CFAP61: variants seen among roughly 807,000 people sequenced by gnomAD.
CFAP61 encodes cilia and flagella associated protein 61, also known as cilia- and flagella-associated protein 61.
In CFAP61, 107 loss-of-function variants were observed where a neutral mutation model predicts 135.6. The observed-to-expected ratio is 0.79, with a 90% CI of 0.67 to 0.93. CFAP61 has a LOEUF of 0.93. CFAP61 is among the 40% of genes least tolerant of loss of function. The pLI is 0.00. For synonymous variants in CFAP61, 575 were observed against 578.5 expected, an observed-to-expected ratio of 0.99 and a Z score of 0.09; for missense variants, 1,507 against 1,556.2, an observed-to-expected ratio of 0.97 and a Z score of 0.53.
chr20:20,360,496 C>A lies in CFAP61; in HGVS notation c.*86C>A. 1 of 1,276,098 alleles carries A rather than the reference C, an allele frequency of 7.8e-7. No individual in the cohort carries two copies. The highest frequency in any genetic ancestry group is 1.1e-6 in the Non-Finnish European group (1 of 900,294). 79.0% of individuals were successfully genotyped at this position (1,276,098 alleles called of 1,614,324 possible). ...TAGAAATAGAAAAGTTCTCTGCAGCCTGGTTTGACAGCGAAGCCAGCCCCT... is the reference window on the plus strand; with the variant it reads ...TAGAAATAGAAAAGTTCTCTGCAGCATGGTTTGACAGCGAAGCCAGCCCCT... On this transcript the variant is annotated 3_prime_UTR_variant, in exon 27 of 27. Transcript: ENST00000245957.
chr20:20,099,578 CGG>C (rs59967144), intron 8 of CFAP61, among the ~76,000 whole-genome samples: 10 of 150,624 alleles, frequency 6.6e-5, no homozygotes, highest in South Asian at 2.1e-4. Flanking sequence ...ACCTCCCACA[CGG>C]GGGGGGGGTT....
At chr20:20,175,362 C>T (rs2054530743) in intron 13 of CFAP61, among the ~76,000 whole-genome samples, 2 of 152,208 alleles carry the variant, frequency 1.3e-5, no homozygotes, top group Admixed American at 1.3e-4. Context: ...TGAGACTTTG[C>T]TAAAATACAG....
At chr20:20,341,312 G>C (rs2058437016) in intron 25 of CFAP61, among the ~76,000 whole-genome samples, 2 of 152,136 alleles carry the variant, frequency 1.3e-5, no homozygotes, top group South Asian at 4.2e-4. Flanking sequence ...TAGCAAATAT[G>C]AACACCAAAA....
At chr20:20,153,290 G>A (rs1449356243) in intron 9 of CFAP61, among the ~76,000 whole-genome samples, 1 of 152,138 alleles carries the variant, frequency 6.6e-6, no homozygotes, top group East Asian at 1.9e-4. Context: ...CAGATAGACA[G>A]TCTAAGGTCA....
intron 8 of CFAP61, among the ~76,000 whole-genome samples, chr20:20,131,803 C>T (rs761061060): frequency 6.6e-6 from 1 of 151,834 alleles, no homozygotes; most frequent in Admixed American, 6.6e-5. Flanking sequence ...TAGCTGCAAC[C>T]CACAAGTTTT....
At chr20:20,352,258 A>G (rs1344411521) in intron 26 of CFAP61, among the ~76,000 whole-genome samples, 9 of 152,186 alleles carry the variant, frequency 5.9e-5, no homozygotes, top group Non-Finnish European at 1.2e-4. Flanking sequence ...CTCACTCACT[A>G]TCATGAGAAC....
chr20:20,102,402 A>G (rs2048093569), intron 8 of CFAP61, among the ~76,000 whole-genome samples: 2 of 152,180 alleles, frequency 1.3e-5, no homozygotes, highest in African/African-American at 4.8e-5. Flanking sequence ...ATATGTGAGT[A>G]TTGGCTGGTT....
At chr20:20,255,117 C>T (rs964442172) in intron 20 of CFAP61, among the ~76,000 whole-genome samples, 2 of 152,204 alleles carry the variant, frequency 1.3e-5, no homozygotes, top group Admixed American at 6.5e-5. Context: ...TCTCCATTTT[C>T]GAAGATGAAG....
chr20:20,085,547 G>A lies in CFAP61; in HGVS notation c.567-5297G>A, dbSNP rs570786056. The A allele has an allele frequency of 3.2e-5, 44 of 1,365,170 alleles. No individual in the cohort carries two copies. The East Asian group carries it at 1.8e-3, about 55-fold the overall frequency. The allele number at this position is 1,365,170 out of a possible 1,614,324, so 84.6% of individuals were successfully genotyped here. A position where few individuals can be genotyped will look rare whatever the true frequency, so the allele number is the denominator to read the frequency against. On this transcript the variant is annotated intron_variant, in intron 6 of 26. Transcript: ENST00000245957. ...AGAATTCGTGTTGAGGTATGATTATGGATAACTTTGTTAACGGGCTGCTGA... is the reference window on the plus strand; with the variant it reads ...AGAATTCGTGTTGAGGTATGATTATAGATAACTTTGTTAACGGGCTGCTGA...
intron 2 of CFAP61, among the ~76,000 whole-genome samples, chr20:20,062,640 CA>C (rs2044893123): frequency 6.6e-6 from 1 of 151,926 alleles, no homozygotes; most frequent in African/African-American, 2.4e-5. Context: ...GAAAAACTTT[CA>C]AAGTAATGTG....
chr20:20,286,654 G>A (rs1056467568), intron 22 of CFAP61, among the ~76,000 whole-genome samples: 1 of 152,184 alleles, frequency 6.6e-6, no homozygotes. Flanking sequence ...CGTTACAGAA[G>A]CACATAGGTT....
intron 24 of CFAP61, among the ~76,000 whole-genome samples, 160 bp from the exon 25 acceptor site, chr20:20,298,021 C>T (rs749365980): frequency 6.6e-5 from 10 of 152,214 alleles, no homozygotes; most frequent in Non-Finnish European, 1.5e-4. Flanking sequence ...GACACACTGT[C>T]ACCTTCTGCC....
chr20:20,246,272 G>A (rs2050450084), intron 19 of CFAP61, 57 bp downstream of exon 19: 8 of 1,072,248 alleles, frequency 7.5e-6, no homozygotes, highest in Middle Eastern at 2.0e-4. Context: ...TCTGTGTGCA[G>A]TCTATTTAAT....
chr20:20,235,540 T>C (rs1030408818), intron 18 of CFAP61, among the ~76,000 whole-genome samples: 9 of 152,010 alleles, frequency 5.9e-5, no homozygotes, highest in African/African-American at 2.2e-4. Context: ...TCCCCACTTT[T>C]CTCATGGGCA....
Position 20,193,650 on chromosome 20 carries a change from A to G in CFAP61, c.1590+2231A>G, listed in dbSNP as rs140959433. On this transcript the variant is annotated intron_variant, in intron 15 of 26. Transcript: ENST00000245957. ...TATTTTGGAAATGGAGTCTTGCTCT[A>G]TCCCCTAGGCTGGAGTTCAGTGATG... Among the ~76,000 whole-genome samples the G allele has an allele frequency of 4.2e-3, 642 of 152,040 alleles. 10 individuals are homozygous for G. The highest frequency in any genetic ancestry group is 0.015 in the African/African-American group (623 of 41,490).
intron 24 of CFAP61, among the ~76,000 whole-genome samples, chr20:20,294,343 A>G (rs1274004732): frequency 6.6e-6 from 1 of 152,154 alleles, no homozygotes; most frequent in Non-Finnish European, 1.5e-5. Context: ...TGTCTGAGAA[A>G]CCCCTGTTTG....
rs561214271 is a variant in CFAP61 at position 20,186,671 on chromosome 20, T to C, written c.1386-1259T>C. 1.6e-4 allele frequency among the ~76,000 whole-genome samples: 24 copies of C among 152,334 alleles called. No individual in the cohort carries two copies. The East Asian group carries it at 2.3e-3, about 15-fold the overall frequency. On this transcript the variant is annotated intron_variant, in intron 13 of 26. Transcript: ENST00000245957. ...CTCATAAACATTAAGATGGTATTAA[T>C]TGTTCATCTTTTTATTAGTTAATTA...
intron 24 of CFAP61, among the ~76,000 whole-genome samples, chr20:20,292,869 C>T (rs1400511380): frequency 6.6e-6 from 1 of 152,038 alleles, no homozygotes; most frequent in Non-Finnish European, 1.5e-5. Context: ...TCACTTCTCC[C>T]ACTCTCTCTG....
intron 8 of CFAP61, among the ~76,000 whole-genome samples, chr20:20,105,195 T>C (rs1264798748): frequency 2.0e-5 from 3 of 152,094 alleles, no homozygotes; most frequent in Non-Finnish European, 4.4e-5. Flanking sequence ...CACCCAACCT[T>C]CTGTGCCCGA....
Sources: allele counts gnomAD v4.1 joint callset (sites outside exome capture counted in the v4.1 genomes callset), GRCh38; gene constraint gnomAD v4.1.1; transcripts MANE v1.5; gene names NCBI Gene and HGNC (gene_info 2026-07-23, HGNC 2026-07-21).